Variants in NPAS3 observed in about 807,000 individuals in gnomAD.
The protein encoded by NPAS3 is neuronal PAS domain-containing protein 3.
NPAS3 carries 14 observed loss-of-function variants against 73.1 expected under a neutral mutation model. The ratio of observed to expected loss-of-function variants is 0.19; its 90% confidence interval spans 0.13 to 0.30. NPAS3 has a LOEUF of 0.30. Ranked by LOEUF, NPAS3 falls within the 10% of genes least tolerant of loss-of-function variation. The pLI is 1.00. For synonymous variants in NPAS3, 620 were observed against 541.5 expected, an observed-to-expected ratio of 1.14 and a Z score of -2.01; for missense variants, 1,096 against 1,250.0, an observed-to-expected ratio of 0.88 and a Z score of 1.86.
intron 3 of NPAS3, among the ~76,000 whole-genome samples, chr14:33,263,494 C>T (rs1289828659): frequency 2.6e-5 from 4 of 152,142 alleles, no homozygotes; most frequent in Non-Finnish European, 2.9e-5. Flanking sequence ...TGTTTTGGTA[C>T]CAGTACCACG....
At chr14:33,776,520 TTAAAAAAAAAAA>T (rs2062821479) in intron 8 of NPAS3, among the ~76,000 whole-genome samples, 1 of 76,332 alleles carries the variant, frequency 1.3e-5, no homozygotes, top group Non-Finnish European at 2.4e-5. Context: ...TTTCTTCCTC[TTAAAAAAAAAAA>T]AAAAAAAAAA....
chr14:33,193,347 A>G (rs1342819205), intron 2 of NPAS3, among the ~76,000 whole-genome samples: 2 of 152,188 alleles, frequency 1.3e-5, no homozygotes, highest in Non-Finnish European at 2.9e-5. Context: ...AATCCCAGCC[A>G]TAGGGGAGTC....
intron 1 of NPAS3, among the ~76,000 whole-genome samples, chr14:33,008,926 G>A (rs569605056): frequency 9.2e-5 from 14 of 152,278 alleles, no homozygotes; most frequent in Admixed American, 2.6e-4. Context: ...TGATAGGGAA[G>A]CTTATTTTGC....
intron 10 of NPAS3, among the ~76,000 whole-genome samples, chr14:33,795,984 G>A (rs975380108): frequency 1.3e-5 from 2 of 152,068 alleles, no homozygotes; most frequent in Admixed American, 6.6e-5. Context: ...AAATTGTAGG[G>A]CAAGTGATCT....
At chr14:33,455,752 G>A (rs971825025) in intron 4 of NPAS3, among the ~76,000 whole-genome samples, 4 of 152,210 alleles carry the variant, frequency 2.6e-5, no homozygotes, top group African/African-American at 7.2e-5. Context: ...ACTGCTAAAC[G>A]TGGTGACATG....
chr14:33,780,158 G>C (rs139720141), intron 9 of NPAS3, among the ~76,000 whole-genome samples: 1 of 152,236 alleles, frequency 6.6e-6, no homozygotes, highest in Non-Finnish European at 1.5e-5. Context: ...CTGCCTGCAA[G>C]ACAGCAGATT....
chr14:33,166,155 C>A (rs551639981), intron 2 of NPAS3, among the ~76,000 whole-genome samples: 15 of 152,304 alleles, frequency 9.8e-5, no homozygotes, highest in Non-Finnish European at 1.8e-4. Flanking sequence ...GCCTCCCCCT[C>A]ACCCCTCGGT....
chr14:33,050,021 A>C (rs1368720550), intron 1 of NPAS3, among the ~76,000 whole-genome samples: 1 of 152,120 alleles, frequency 6.6e-6, no homozygotes, highest in African/African-American at 2.4e-5. Context: ...AAACTGCAGG[A>C]ATATTTTGGT....
chr14:33,560,052 G>A (rs931705963), intron 4 of NPAS3, 69 bp from the exon 5 acceptor site: 1 of 655,982 alleles, frequency 1.5e-6, no homozygotes. Context: ...TTTCTCAGTT[G>A]CCTTACTAAT....
chr14:33,706,127 A>G (rs148972409), intron 6 of NPAS3, among the ~76,000 whole-genome samples: 20 of 152,338 alleles, frequency 1.3e-4, no homozygotes, highest in African/African-American at 4.1e-4. Context: ...CCATCAGTAC[A>G]TAAAAGCTTC....
At chr14:33,109,623 T>C (rs2042825577) in intron 2 of NPAS3, among the ~76,000 whole-genome samples, 1 of 152,086 alleles carries the variant, frequency 6.6e-6, no homozygotes, top group Non-Finnish European at 1.5e-5. Flanking sequence ...TTTGTTTATA[T>C]GTTTGAGCAA....
At chr14:33,253,064 G>T in intron 3 of NPAS3, among the ~76,000 whole-genome samples, 1 of 152,018 alleles carries the variant, frequency 6.6e-6, no homozygotes, top group East Asian at 1.9e-4. Context: ...TTGCTATTGG[G>T]AATAGTGCTG....
intron 3 of NPAS3, among the ~76,000 whole-genome samples, chr14:33,245,757 T>G (rs1401880223): frequency 6.6e-6 from 1 of 152,154 alleles, no homozygotes; most frequent in Non-Finnish European, 1.5e-5. Context: ...CTAATACATG[T>G]TTGGGTTGTC....
intron 7 of NPAS3, among the ~76,000 whole-genome samples, chr14:33,737,777 T>C (rs1376137375): frequency 6.6e-6 from 1 of 152,118 alleles, no homozygotes; most frequent in Non-Finnish European, 1.5e-5. Context: ...TCTAGCAGCT[T>C]ATAAAACATT....
intron 3 of NPAS3, among the ~76,000 whole-genome samples, chr14:33,305,158 T>TAGAG (rs547941565): frequency 6.6e-6 from 1 of 151,018 alleles, no homozygotes; most frequent in Non-Finnish European, 1.5e-5. Context: ...ATGGATGAAG[T>TAGAG]AGAGAGAGAG....
chr14:32,974,384 G>A (rs956006063), intron 1 of NPAS3, among the ~76,000 whole-genome samples: 2 of 152,160 alleles, frequency 1.3e-5, no homozygotes, highest in African/African-American at 4.8e-5. Context: ...TACAGATAAT[G>A]CTTTTGTAGT....
intron 2 of NPAS3, among the ~76,000 whole-genome samples, chr14:33,158,701 G>T (rs1342766221): frequency 2.0e-5 from 3 of 152,148 alleles, no homozygotes; most frequent in Admixed American, 6.5e-5. Flanking sequence ...CCCAGAAGAG[G>T]AAACAGCTAG....
chr14:33,010,269 C>T (rs186343765), intron 1 of NPAS3, among the ~76,000 whole-genome samples: 296 of 152,272 alleles, frequency 1.9e-3, no homozygotes, highest in African/African-American at 5.8e-3. Context: ...AGATGTGGGT[C>T]ATAACCAGGG....
chr14:33,235,409 T>C (rs956229789), intron 3 of NPAS3, among the ~76,000 whole-genome samples: 2 of 152,148 alleles, frequency 1.3e-5, no homozygotes, highest in African/African-American at 4.8e-5. Context: ...GCTAAAAATC[T>C]GTAACTAGCA....
Sources: allele counts gnomAD v4.1 joint callset (sites outside exome capture counted in the v4.1 genomes callset), GRCh38; gene constraint gnomAD v4.1.1; transcripts MANE v1.5; gene names NCBI Gene and HGNC (gene_info 2026-07-23, HGNC 2026-07-21).